Variants in ABCC12 observed in about 807,000 individuals in gnomAD.
ABCC12 encodes ATP binding cassette subfamily C member 12.
ABCC12 carries 142 observed loss-of-function variants against 151.1 expected under a neutral mutation model. That is an observed-to-expected ratio of 0.94 (90% confidence interval 0.82 to 1.08). The LOEUF is 1.08. ABCC12 is among the 50% of genes least tolerant of loss of function. The probability of loss-of-function intolerance (pLI) is 0.00; values close to 1 mark genes in which losing one functional copy is unlikely to be tolerated. For missense variants in ABCC12, 1,638 were observed against 1,691.1 expected (o/e 0.97, Z 0.55); for synonymous variants, 645 against 646.4 (o/e 1.00, Z 0.03).
In ABCC12 at chr16:48,082,951, T is replaced by C. The variant is rs1245658605; in HGVS notation, c.*764A>G. 1.3e-5 allele frequency: 2 copies of C among 152,204 alleles called. No homozygotes were observed. The highest frequency in any genetic ancestry group is 2.4e-5 in the African/African-American group (1 of 41,438). 9.4% of individuals were successfully genotyped at this position (152,204 alleles called of 1,614,324 possible). A position where few individuals can be genotyped will look rare whatever the true frequency, so the allele number is the denominator to read the frequency against. ...TTTGTTTGGTAAGCGACTGTGAAGG[T>C]TCATTACTGAGTGAAGGGAGAAGGC... On this transcript the variant is annotated 3_prime_UTR_variant, in exon 31 of 31. Transcript: ENST00000311303.
At chr16:48,125,585 G>A (rs1964213238) in intron 11 of ABCC12, among the ~76,000 whole-genome samples, 2 of 152,144 alleles carry the variant, frequency 1.3e-5, no homozygotes, top group Admixed American at 6.5e-5. Context: ...CAGCCCATGT[G>A]GAGACTGACG....
intron 2 of ABCC12, 43 bp from the exon 3 acceptor site, chr16:48,146,517 T>C (rs2096036923): frequency 1.3e-5 from 13 of 1,013,428 alleles, no homozygotes; most frequent in South Asian, 1.1e-4. Flanking sequence ...GGTGAGGATG[T>C]CTGATTGGGA....
rs775485439 is a variant in ABCC12 at position 48,085,556 on chromosome 16, C to T, written c.3828+37G>A. On this transcript the variant is annotated intron_variant, in intron 29 of 30. Coordinates refer to ENST00000311303, the MANE Select transcript of ABCC12 (RefSeq NM_001393797.1). The stretch of plus-strand genomic sequence containing the variant: ...GATTGAGTGGCGCTGCGGGAAATAT[C>T]CAAAATTTGACCAATCCATTTTCCG... The T allele has an allele frequency of 5.0e-6, 8 of 1,592,076 alleles. No individual in the cohort carries two copies. In the African/African-American group the frequency reaches 9.4e-5, roughly 19 times the overall value.
chr16:48,113,103 T>C (rs548589096), intron 15 of ABCC12, among the ~76,000 whole-genome samples: 23 of 152,308 alleles, frequency 1.5e-4, no homozygotes, highest in African/African-American at 5.3e-4. Context: ...AGGTCTTCCC[T>C]GATACTGCAC....
At chr16:48,095,851 T>C (rs1331397732) in intron 24 of ABCC12, among the ~76,000 whole-genome samples, 1 of 152,224 alleles carries the variant, frequency 6.6e-6, no homozygotes, top group Non-Finnish European at 1.5e-5. Flanking sequence ...CACATTCAGA[T>C]ACATTATCCC....
At chr16:48,114,148 T>A (rs908512311) in intron 15 of ABCC12, among the ~76,000 whole-genome samples, 2 of 152,064 alleles carry the variant, frequency 1.3e-5, no homozygotes, top group African/African-American at 4.8e-5. Context: ...TTCCTGGAGG[T>A]GCTCAGGCCC....
intron 8 of ABCC12, among the ~76,000 whole-genome samples, chr16:48,135,547 ATT>A (rs112834429): frequency 2.7e-5 from 4 of 148,188 alleles, no homozygotes; most frequent in African/African-American, 9.9e-5. Context: ...CACCCAGATA[ATT>A]TTTTTTTTTA....
intron 24 of ABCC12, among the ~76,000 whole-genome samples, chr16:48,095,522 C>T (rs1465836245): frequency 1.3e-5 from 2 of 151,956 alleles, no homozygotes; most frequent in Non-Finnish European, 2.9e-5. Flanking sequence ...AGAATAAGAG[C>T]TTGTGGAAAT....
Position 48,121,758 on chromosome 16 carries a change from A to T in ABCC12, c.1670T>A (p.Val557Glu). ...TTCTCCAAAGAGTATGTTTTCTCTCACATTTCCATGAAAGATCCATGCCTG... is the reference window on the plus strand; with the variant it reads ...TTCTCCAAAGAGTATGTTTTCTCTCTCATTTCCATGAAAGATCCATGCCTG... ...SQQAWIFHGN[V>E]RENILFGEKY... Residue 557 changes from valine (V) to glutamate (E), a missense_variant, in exon 13 of 31, where the codon GTG (valine) becomes GAG (glutamate). Coordinates refer to ENST00000311303, the MANE Select transcript of ABCC12 (RefSeq NM_001393797.1). The T allele has an allele frequency of 6.2e-7, 1 of 1,614,146 alleles. No individual in the cohort carries two copies. The highest frequency in any genetic ancestry group is 2.2e-5 in the East Asian group (1 of 44,882).
At chr16:48,088,175 A>C (rs1962707222) in intron 26 of ABCC12, 90 bp from the exon 27 acceptor site, 3 of 1,409,478 alleles carry the variant, frequency 2.1e-6, no homozygotes, top group Non-Finnish European at 2.9e-6. Flanking sequence ...TTTTTAATGC[A>C]ATGCAAATGT....
At position 48,104,103 on chromosome 16, in the gene ABCC12, T is replaced by C. The variant is rs367624305; in HGVS notation, c.2900+39A>G. Reference sequence around the variant, plus strand: ...TCACCTGATACCCAGTCAGTGTGTGTGTGTATCGTTTTCTCGTGTAAATAG... The same window carrying C: ...TCACCTGATACCCAGTCAGTGTGTGCGTGTATCGTTTTCTCGTGTAAATAG... On this transcript the variant is annotated intron_variant, in intron 22 of 30. Coordinates refer to ENST00000311303, the MANE Select transcript of ABCC12 (RefSeq NM_001393797.1). 218 of 1,581,904 alleles carry C rather than the reference T, an allele frequency of 1.4e-4. 1 individual carries two copies. The highest frequency in any genetic ancestry group is 1.2e-3 in the South Asian group (104 of 89,432).
At chr16:48,124,064 G>A (rs892785660) in intron 12 of ABCC12, 149 bp downstream of exon 12, 31 of 836,908 alleles carry the variant, frequency 3.7e-5, no homozygotes, top group South Asian at 1.1e-4. Context: ...GAGCTGCTGC[G>A]TGCATTAACC....
chr16:48,126,636 C>T (rs1180166609), intron 11 of ABCC12, among the ~76,000 whole-genome samples: 5 of 152,182 alleles, frequency 3.3e-5, no homozygotes, highest in African/African-American at 1.2e-4. Flanking sequence ...GAAATGGGTA[C>T]TTCTATGAAA....
At chr16:48,085,356 T>C (rs1962541665) in intron 29 of ABCC12, among the ~76,000 whole-genome samples, 1 of 151,946 alleles carries the variant, frequency 6.6e-6, no homozygotes, top group African/African-American at 2.4e-5. Context: ...AGAGTGAAAA[T>C]CTAAGCGAGA....
Position 48,138,351 on chromosome 16 carries a change from C to T in ABCC12, c.856G>A (p.Ala286Thr). The T allele has an allele frequency of 1.2e-6, 2 of 1,613,478 alleles. No individual in the cohort carries two copies. The highest frequency in any genetic ancestry group is 1.7e-6 in the Non-Finnish European group (2 of 1,179,544). Residue 286 changes from alanine (A) to threonine (T), a missense_variant, in exon 8 of 31, where the codon GCT (alanine) becomes ACT (threonine). Ala to Thr is a moderately conservative substitution (Grantham distance 58, BLOSUM62 0). Coordinates refer to ENST00000311303, the MANE Select transcript of ABCC12 (RefSeq NM_001393797.1). ...ACCAAAATTGCTGACCTTCGGAAAG[C>T]TGAATTGAGCTTGGCCATAAACATC... The part of the protein sequence containing the change: ...VQMFMAKLNS[A>T]FRRSAILVTD...
In ABCC12 at chr16:48,128,722, T is replaced by C. The variant is rs145407844; in HGVS notation, c.1252A>G (p.Lys418Glu). ...TGGGTGATGTAAGATGGGGGGCTTT[T>C]ATCTATGAGAATTTTCTAAGATTAA... is the stretch of plus-strand genomic sequence containing the variant. ...LRRMKKILIDKSPPSYITQPE... is the reference protein window; with the variant it reads ...LRRMKKILIDESPPSYITQPE... Residue 418 changes from lysine to glutamate, a missense_variant, in exon 11 of 31, where the codon AAA becomes GAA. Coordinates refer to ENST00000311303, the MANE Select transcript of ABCC12 (RefSeq NM_001393797.1). The C allele has an allele frequency of 7.4e-6, 12 of 1,612,596 alleles. No individual in the cohort carries two copies. Among genetic ancestry groups the C allele is most frequent in the African/African-American group, 2.7e-5 (2 of 74,736 alleles).
intron 14 of ABCC12, among the ~76,000 whole-genome samples, chr16:48,116,149 T>C (rs1423330857): frequency 1.3e-5 from 2 of 152,192 alleles, no homozygotes; most frequent in Non-Finnish European, 2.9e-5. Context: ...CCTGGCACCA[T>C]GCTGGGCACA....
At chr16:48,148,305 C>CA (rs1965065999) in intron 2 of ABCC12, among the ~76,000 whole-genome samples, 1 of 151,518 alleles carries the variant, frequency 6.6e-6, no homozygotes, top group African/African-American at 2.4e-5. Flanking sequence ...GGCACCATCT[C>CA]AGCTCATCAT....
At chr16:48,112,343 C>T (rs1237426107) in intron 15 of ABCC12, among the ~76,000 whole-genome samples, 1 of 152,184 alleles carries the variant, frequency 6.6e-6, no homozygotes, top group Non-Finnish European at 1.5e-5. Flanking sequence ...CACCTGTAGT[C>T]CCGGCACTTT....
Sources: allele counts gnomAD v4.1 joint callset (sites outside exome capture counted in the v4.1 genomes callset), GRCh38; gene constraint gnomAD v4.1.1; transcripts MANE v1.5; gene names NCBI Gene and HGNC (gene_info 2026-07-23, HGNC 2026-07-21).